MS4A6E: variants seen among roughly 807,000 people sequenced by gnomAD.
MS4A6E encodes the protein membrane spanning 4-domains A6E.
MS4A6E carries 8 observed loss-of-function variants against 13.2 expected under a neutral mutation model. That is an observed-to-expected ratio of 0.60 (90% confidence interval 0.35 to 1.09). The LOEUF is 1.09. Ranked by LOEUF, MS4A6E falls within the 50% of genes least tolerant of loss-of-function variation. MS4A6E has a pLI of 0.02. For missense variants in MS4A6E, 177 were observed against 171.1 expected, an observed-to-expected ratio of 1.03 and a Z score of -0.19; for synonymous variants, 72 against 67.6, an observed-to-expected ratio of 1.06 and a Z score of -0.32.
intron 1 of MS4A6E, among the ~76,000 whole-genome samples, chr11:60,329,681 T>G (rs1391488388): frequency 6.6e-6 from 1 of 152,176 alleles, no homozygotes; most frequent in Non-Finnish European, 1.5e-5. Context: ...TAATGATCAC[T>G]ATTCTAATTG....
At chr11:60,347,398 T>TC (rs2085260989) in intron 4 of MS4A6E, among the ~76,000 whole-genome samples, 1 of 152,050 alleles carries the variant, frequency 6.6e-6, no homozygotes, top group African/African-American at 2.4e-5. Flanking sequence ...AATATTAAAA[T>TC]CAAGTCTCCA....
At chr11:60,346,774 C>T (rs1408460313) in intron 4 of MS4A6E, among the ~76,000 whole-genome samples, 1 of 152,210 alleles carries the variant, frequency 6.6e-6, no homozygotes, top group African/African-American at 2.4e-5. Context: ...TTCACCTTCT[C>T]TGTCTCCTTT....
Position 60,337,947 on chromosome 11 carries a change from TGTAA to T in MS4A6E, c.354+4_354+7del. ...GCCATAGAGCCAAAGCCAGTCTGGC[TGTAA>T]GTATTTTTTAGATGGGATGTTCTAA... On this transcript the variant is annotated splice_donor_variant and splice_donor_region_variant and intron_variant, in intron 3 of 4. Coordinates refer to ENST00000684409, the MANE Select transcript of MS4A6E (RefSeq NM_139249.4). LOFTEE classifies it high-confidence loss of function. 1.2e-6 allele frequency: 2 copies of T among 1,613,386 alleles called. No homozygotes were observed. The highest frequency in any genetic ancestry group is 1.7e-6 in the Non-Finnish European group (2 of 1,179,466).
At chr11:60,346,094 G>A (rs771098197), downstream of MS4A6E, among the ~76,000 whole-genome samples, 17 of 152,092 alleles carry the variant, frequency 1.1e-4, no homozygotes, top group Non-Finnish European at 2.1e-4. Flanking sequence ...AGTCCTATTG[G>A]ACCATCTGTG....
intron 3 of MS4A6E, among the ~76,000 whole-genome samples, 184 bp downstream of exon 3, chr11:60,338,131 G>A (rs1396371136): frequency 6.6e-6 from 1 of 152,198 alleles, no homozygotes; most frequent in Non-Finnish European, 1.5e-5. Flanking sequence ...TACTAACAGA[G>A]TGGAATTGAA....
At chr11:60,342,192 AG>A (rs2085231094), downstream of MS4A6E, among the ~76,000 whole-genome samples, 1 of 79,508 alleles carries the variant, frequency 1.3e-5, no homozygotes, top group Non-Finnish European at 2.4e-5. Context: ...AGAGAGAGAG[AG>A]AGAGAGAGGG....
downstream of MS4A6E, among the ~76,000 whole-genome samples, chr11:60,344,623 G>C (rs2085247632): frequency 6.6e-6 from 1 of 152,130 alleles, no homozygotes; most frequent in African/African-American, 2.4e-5. Context: ...GCCATCCTGA[G>C]AGCTGGAAAA....
chr11:60,332,204 T>C (rs10897046), intron 1 of MS4A6E, among the ~76,000 whole-genome samples: 54,450 of 152,118 alleles, frequency 0.36, 10,272 homozygotes, highest in East Asian at 0.41. Context: ...ATGGTGTTAG[T>C]ATCCATTAAA....
At chr11:60,349,069 A>C (rs1326967580) in intron 4 of MS4A6E, among the ~76,000 whole-genome samples, 1 of 152,230 alleles carries the variant, frequency 6.6e-6, no homozygotes, top group Admixed American at 6.5e-5. Context: ...TAGCACAAAA[A>C]GCACTTTTTG....
rs768462403 is a variant in MS4A6E, at chr11:60,337,907, C to T, written c.314C>T (p.Pro105Leu). The T allele has an allele frequency of 1.4e-5, 22 of 1,614,070 alleles. No homozygotes were observed. The highest frequency in any genetic ancestry group is 1.6e-4 in the Middle Eastern group (1 of 6,084). Residue 105 changes from proline (P) to leucine (L), a missense_variant, in exon 3 of 5, where the codon CCT becomes CTT. By Grantham distance (98) the Pro-to-Leu change is moderately conservative (BLOSUM62 -3). Coordinates refer to ENST00000684409, the MANE Select transcript of MS4A6E (RefSeq NM_139249.4). ...CTTCTTTCTTATGATTATCATTCAC[C>T]TTACACCATGGACTGCCATAGAGCC... ...RLLLSYDYHS[P>L]YTMDCHRAKA...
In MS4A6E at chr11:60,335,105, T is replaced by G. The variant is rs559254171; in HGVS notation, c.147+63T>G. ...GGAAGTGGGAAGAGATGATGTATGTTTTGGGACTGGTCATCCTTGTGAGTG... is the reference window on the plus strand; with the variant it reads ...GGAAGTGGGAAGAGATGATGTATGTGTTGGGACTGGTCATCCTTGTGAGTG... On this transcript the variant is annotated intron_variant, in intron 2 of 4. Coordinates refer to ENST00000684409, the MANE Select transcript of MS4A6E (RefSeq NM_139249.4). 2.8e-5 allele frequency: 45 copies of G among 1,591,358 alleles called. No individual in the cohort carries two copies. In the African/African-American group the frequency reaches 5.5e-4, roughly 19 times the overall value.
intron 1 of MS4A6E, among the ~76,000 whole-genome samples, chr11:60,332,288 G>A (rs575782389): frequency 1.2e-4 from 19 of 152,230 alleles, no homozygotes; most frequent in African/African-American, 3.9e-4. Flanking sequence ...ACTGAAAGAC[G>A]GAAACTCGGA....
chr11:60,337,779 G>A lies in MS4A6E; in HGVS notation c.186G>A (p.Leu62=), dbSNP rs773294582. Reference sequence around the variant, plus strand: ...TGGCTGGAAGCATTCTGAGTGCTCTGTCTGCCCTGGTGGGTTTCATTCTCC... The same window carrying A: ...TGGCTGGAAGCATTCTGAGTGCTCTATCTGCCCTGGTGGGTTTCATTCTCC... ...SSLAGSILSA[L]SALVGFILLS... is the part of the protein sequence containing the mutation. The change falls in exon 3 of 5, where the codon CTG becomes CTA. Residue 62 remains leucine (L), a synonymous_variant. Coordinates refer to ENST00000684409, the MANE Select transcript of MS4A6E (RefSeq NM_139249.4). 1 of 1,614,182 alleles carries A rather than the reference G, an allele frequency of 6.2e-7. No individual in the cohort carries two copies. The highest frequency in any genetic ancestry group is 2.2e-5 in the East Asian group (1 of 44,888).
intron 1 of MS4A6E, 129 bp from the exon 2 acceptor site, chr11:60,334,753 A>G: frequency 2.1e-6 from 2 of 969,762 alleles, no homozygotes; most frequent in Non-Finnish European, 3.1e-6. Flanking sequence ...ACTGCTCCAT[A>G]ATATCAGTTT....
chr11:60,332,384 G>C (rs2085162508), intron 1 of MS4A6E, among the ~76,000 whole-genome samples: 1 of 152,166 alleles, frequency 6.6e-6, no homozygotes, highest in South Asian at 2.1e-4. Flanking sequence ...ATGTGTCAAT[G>C]CTCATTATTC....
Position 60,341,261 on chromosome 11 carries a change from A to G in MS4A6E, c.*495A>G, listed in dbSNP as rs1199835961. 6.6e-6 allele frequency among the ~76,000 whole-genome samples: 1 copy of G among 152,242 alleles called. No individual in the cohort carries two copies. The highest frequency in any genetic ancestry group is 2.4e-5 in the African/African-American group (1 of 41,470). On this transcript the variant is annotated 3_prime_UTR_variant, in exon 5 of 5. Transcript: ENST00000684409. ...TCCCATGTATTTTACTCATTAGTGC[A>G]TAAAGGCAAACCCCATAATGAAGTC...
downstream of MS4A6E, among the ~76,000 whole-genome samples, chr11:60,345,137 T>C (rs1158229392): frequency 1.3e-5 from 2 of 152,068 alleles, 1 homozygote; most frequent in Non-Finnish European, 2.9e-5. Context: ...GGTTTCACCG[T>C]GTTAGCCAGG....
At chr11:60,330,682 G>A (rs1389344325) in intron 1 of MS4A6E, among the ~76,000 whole-genome samples, 1 of 152,084 alleles carries the variant, frequency 6.6e-6, no homozygotes, top group Non-Finnish European at 1.5e-5. Flanking sequence ...TATTCATGAA[G>A]TCTTTGCCTA....
chr11:60,337,888 T>C lies in MS4A6E; in HGVS notation c.295T>C (p.Ser99Pro). 6.2e-7 allele frequency: 1 copy of C among 1,614,212 alleles called. No homozygotes were observed. Among genetic ancestry groups the C allele is most frequent in the African/African-American group, 1.3e-5 (1 of 75,050 alleles). Residue 99 changes from serine to proline, a missense_variant, in exon 3 of 5, where the codon TCT becomes CCT. Ser to Pro is a moderately conservative substitution (Grantham distance 74). Transcript: ENST00000684409. ...EKDIPTRLLL[S>P]YDYHSPYTMD... is the part of the protein sequence containing the mutation. Reference sequence around the variant, plus strand: ...GGATATACCAACCAGACTTCTTCTTTCTTATGATTATCATTCACCTTACAC... The same window carrying C: ...GGATATACCAACCAGACTTCTTCTTCCTTATGATTATCATTCACCTTACAC...
Sources: gnomAD v4.1 joint callset for allele counts (sites outside exome capture counted in the v4.1 genomes callset) on GRCh38, gnomAD v4.1.1 for gene constraint, MANE v1.5 for transcripts, NCBI Gene and HGNC (gene_info 2026-07-23, HGNC 2026-07-21) for gene names.